CHRM2: variants seen among roughly 807,000 people sequenced by gnomAD.
The protein encoded by CHRM2 is cholinergic receptor muscarinic 2.
CHRM2 carries 8 observed loss-of-function variants against 25.0 expected under a neutral mutation model. The observed-to-expected ratio is 0.32, with a 90% CI of 0.19 to 0.58. The LOEUF (loss-of-function observed/expected upper bound fraction) is 0.58. Ranked by LOEUF, CHRM2 falls within the 20% of genes least tolerant of loss-of-function variation. CHRM2 has a pLI of 0.88. For synonymous variants in CHRM2, 202 were observed against 205.7 expected (o/e 0.98, Z 0.15); for missense variants, 440 against 567.1 (o/e 0.78, Z 2.28).
chr7:136,925,306 T>G (rs1160719739), intron 2 of CHRM2, among the ~76,000 whole-genome samples: 2 of 152,290 alleles, frequency 1.3e-5, no homozygotes, highest in East Asian at 3.9e-4. Context: ...CTATCTTTTT[T>G]TATCTTATCT....
chr7:136,989,353 TCACA>T (rs1292938953), intron 2 of CHRM2, among the ~76,000 whole-genome samples: 3 of 152,154 alleles, frequency 2.0e-5, no homozygotes, highest in Admixed American at 1.3e-4. Context: ...TAACTCAAAG[TCACA>T]CAGTGATTAA....
intron 2 of CHRM2, among the ~76,000 whole-genome samples, chr7:136,979,252 GA>G (rs1466036470): frequency 2.0e-5 from 3 of 152,160 alleles, no homozygotes; most frequent in African/African-American, 7.2e-5. Flanking sequence ...GTCTTCTTTT[GA>G]AAAGTGTCTG....
chr7:136,894,641 G>C (rs1796822180), intron 2 of CHRM2, among the ~76,000 whole-genome samples: 1 of 152,044 alleles, frequency 6.6e-6, no homozygotes, highest in Non-Finnish European at 1.5e-5. Context: ...CAAAGTGCTG[G>C]GATTACAGGT....
At chr7:136,938,691 A>T (rs982399002) in intron 2 of CHRM2, 5 of 771,186 alleles carry the variant, frequency 6.5e-6, no homozygotes, top group African/African-American at 5.1e-5. Context: ...CAGGGGCCAG[A>T]GGTGGACACC....
chr7:137,001,979 T>C (rs1007502496), intron 3 of CHRM2, among the ~76,000 whole-genome samples: 2 of 152,030 alleles, frequency 1.3e-5, no homozygotes, highest in African/African-American at 4.8e-5. Context: ...ATAGAATGGT[T>C]GAAGGAAAGA....
intron 2 of CHRM2, among the ~76,000 whole-genome samples, chr7:136,948,563 A>G (rs1800206424): frequency 6.6e-6 from 1 of 152,178 alleles, no homozygotes; most frequent in African/African-American, 2.4e-5. Context: ...GTGGAAGAGT[A>G]TCATGAGTCC....
At chr7:136,916,352 A>G (rs138105515) in intron 2 of CHRM2, among the ~76,000 whole-genome samples, 80 of 152,056 alleles carry the variant, frequency 5.3e-4, no homozygotes, top group African/African-American at 1.9e-3. Flanking sequence ...AACATTTATT[A>G]TAGAATAACA....
At chr7:136,908,049 T>C (rs899465966) in intron 2 of CHRM2, 1 of 151,932 alleles carries the variant, frequency 6.6e-6, no homozygotes, top group African/African-American at 2.4e-5. Flanking sequence ...AATTTATTGA[T>C]GGGAAGTGGA....
At chr7:136,944,012 A>T (rs1799920218) in intron 2 of CHRM2, among the ~76,000 whole-genome samples, 1 of 152,154 alleles carries the variant, frequency 6.6e-6, no homozygotes, top group Non-Finnish European at 1.5e-5. Context: ...GGACTCTCTG[A>T]TATGTGAATG....
chr7:136,951,432 G>A (rs1035501998), intron 2 of CHRM2, among the ~76,000 whole-genome samples: 5 of 152,142 alleles, frequency 3.3e-5, no homozygotes, highest in African/African-American at 1.2e-4. Flanking sequence ...AATAAAATAT[G>A]ACTTGCTAGA....
Position 136,934,859 on chromosome 7 carries a change from CA to C in CHRM2, c.-124-57317del, listed in dbSNP as rs34883311. ...TGCCATTCTATGCCCTGAAAATAAC[CA>C]AAAAAAAAAATGTAATTGCAAAGAG... On this transcript the variant is annotated intron_variant, in intron 2 of 3. Transcript: ENST00000680005. Among the ~76,000 whole-genome samples the C allele has an allele frequency of 5.0e-3, 735 of 146,424 alleles. 5 individuals carry two copies. Among genetic ancestry groups the C allele is most frequent in the African/African-American group, 9.4e-3 (375 of 39,996 alleles).
At chr7:136,978,489 A>C (rs973142984) in intron 2 of CHRM2, among the ~76,000 whole-genome samples, 1 of 152,190 alleles carries the variant, frequency 6.6e-6, no homozygotes, top group Non-Finnish European at 1.5e-5. Context: ...TTTGGGATAC[A>C]TGGGCAGAAC....
intron 2 of CHRM2, among the ~76,000 whole-genome samples, 172 bp from the exon 3 acceptor site, chr7:136,992,015 G>A (rs1306777248): frequency 6.6e-6 from 1 of 152,116 alleles, no homozygotes; most frequent in African/African-American, 2.4e-5. Flanking sequence ...CCTTTGTCCT[G>A]ACAGGTGCAT....
chr7:136,901,720 C>T (rs1797220542), intron 2 of CHRM2: 1 of 151,990 alleles, frequency 6.6e-6, no homozygotes, highest in Admixed American at 6.6e-5. Flanking sequence ...AAAATAACAA[C>T]ATTGATAATT....
Position 137,018,210 on chromosome 7 carries a change from A to C in CHRM2, c.*1944A>C, listed in dbSNP as rs1805274540. The C allele has an allele frequency of 1.3e-5, 2 of 151,950 alleles. No homozygotes were observed. Among genetic ancestry groups the C allele is most frequent in the South Asian group, 4.1e-4 (2 of 4,820 alleles). 9.4% of individuals were successfully genotyped at this position (151,950 alleles called of 1,614,324 possible). A position where few individuals can be genotyped will look rare whatever the true frequency, so the allele number is the denominator to read the frequency against. Reference sequence around the variant, plus strand: ...GGAAAAAAAGCATGAGGGAAAAAAAAAACCAAAAAACTTATAAGTTAGTAA... The same window carrying C: ...GGAAAAAAAGCATGAGGGAAAAAAACAACCAAAAAACTTATAAGTTAGTAA... On this transcript the variant is annotated 3_prime_UTR_variant, in exon 4 of 4. Coordinates refer to ENST00000680005, the MANE Select transcript of CHRM2 (RefSeq NM_001006630.2).
intron 2 of CHRM2, among the ~76,000 whole-genome samples, chr7:136,923,109 C>A (rs1311018803): frequency 6.6e-6 from 1 of 152,058 alleles, no homozygotes; most frequent in Non-Finnish European, 1.5e-5. Flanking sequence ...ATTATCAGAT[C>A]ATTGTCATAA....
intron 2 of CHRM2, among the ~76,000 whole-genome samples, chr7:136,904,979 G>C (rs1797452317): frequency 6.6e-6 from 1 of 151,912 alleles, no homozygotes; most frequent in African/African-American, 2.4e-5. Context: ...GATTAAATGA[G>C]ATATGTTTAT....
intron 2 of CHRM2, among the ~76,000 whole-genome samples, chr7:136,949,405 C>T (rs1800257430): frequency 6.8e-6 from 1 of 147,666 alleles, no homozygotes; most frequent in African/African-American, 2.5e-5. Flanking sequence ...TCACTTGAGG[C>T]CAGGAGTTCA....
At chr7:136,892,885 G>C (rs1263667409) in intron 2 of CHRM2, among the ~76,000 whole-genome samples, 1 of 151,976 alleles carries the variant, frequency 6.6e-6, no homozygotes, top group African/African-American at 2.4e-5. Flanking sequence ...GGCCAAGCTG[G>C]TCTCGAACTC....
Sources: allele counts gnomAD v4.1 joint callset (sites outside exome capture counted in the v4.1 genomes callset), GRCh38; gene constraint gnomAD v4.1.1; transcripts MANE v1.5; gene names NCBI Gene and HGNC (gene_info 2026-07-23, HGNC 2026-07-21).